Variants in ARMH4 observed in about 807,000 individuals in gnomAD.
The protein encoded by ARMH4 is armadillo-like helical domain-containing protein 4.
Under a neutral mutation model 61.9 loss-of-function variants are expected in ARMH4, and 49 were observed. The observed-to-expected ratio is 0.79, with a 90% CI of 0.63 to 1.00. The LOEUF (loss-of-function observed/expected upper bound fraction) is 1.00. Ranked by LOEUF, ARMH4 falls within the 50% of genes least tolerant of loss-of-function variation. The probability of loss-of-function intolerance (pLI) is 0.00; values close to 1 mark genes in which losing one functional copy is unlikely to be tolerated. For missense variants in ARMH4, 934 were observed against 930.0 expected (o/e 1.00, Z -0.06); for synonymous variants, 368 against 341.5 (o/e 1.08, Z -0.85).
intron 1 of ARMH4, among the ~76,000 whole-genome samples, chr14:58,143,808 C>G (rs990001692): frequency 4.5e-5 from 6 of 134,644 alleles, no homozygotes; most frequent in Admixed American, 1.6e-4. Flanking sequence ...GAGTCTTGCT[C>G]TGTCACCCAG....
At chr14:58,136,613 A>G (rs1168405795) in intron 2 of ARMH4, among the ~76,000 whole-genome samples, 1 of 152,176 alleles carries the variant, frequency 6.6e-6, no homozygotes, top group Non-Finnish European at 1.5e-5. Context: ...CTTATAAAAC[A>G]TATTACTGAT....
At chr14:58,147,222 T>G (rs1363408619) in intron 1 of ARMH4, among the ~76,000 whole-genome samples, 4 of 152,204 alleles carry the variant, frequency 2.6e-5, no homozygotes, top group African/African-American at 7.2e-5. Context: ...TTGTAACTTC[T>G]GATCACCTCA....
chr14:58,026,534 G>T (rs1412046333), intron 5 of ARMH4, among the ~76,000 whole-genome samples: 2 of 152,032 alleles, frequency 1.3e-5, no homozygotes, highest in Non-Finnish European at 2.9e-5. Flanking sequence ...AAATAGTTTG[G>T]CCTTCATACT....
intron 4 of ARMH4, among the ~76,000 whole-genome samples, chr14:58,118,299 C>T (rs1334381538): frequency 1.3e-5 from 2 of 152,108 alleles, no homozygotes; most frequent in African/African-American, 2.4e-5. Flanking sequence ...ATACCTTTAA[C>T]TGGGATGGAA....
At chr14:58,072,853 G>A (rs1244808617) in intron 5 of ARMH4, among the ~76,000 whole-genome samples, 3 of 152,146 alleles carry the variant, frequency 2.0e-5, no homozygotes, top group Admixed American at 2.0e-4. Flanking sequence ...AGACCACAGG[G>A]TGTTTGGATG....
chr14:58,066,197 G>C (rs1884694685), intron 5 of ARMH4, among the ~76,000 whole-genome samples: 1 of 152,230 alleles, frequency 6.6e-6, no homozygotes, highest in Non-Finnish European at 1.5e-5. Flanking sequence ...CCAACAGCAT[G>C]TGTGTTTAGT....
chr14:58,096,944 A>C lies in ARMH4; in HGVS notation c.1869T>G (p.Asp623Glu), dbSNP rs564454782. 3 of 1,612,112 alleles carry C rather than the reference A, an allele frequency of 1.9e-6. No homozygotes were observed. Among genetic ancestry groups the C allele is most frequent in the Non-Finnish European group, 2.5e-6 (3 of 1,179,278 alleles). Residue 623 changes from aspartate to glutamate, a missense_variant, in exon 5 of 8, where the codon GAT becomes GAG. By Grantham distance (45) the Asp-to-Glu change is conservative (BLOSUM62 2). Transcript: ENST00000267485. ...CCTCATCTTCCTCTTCTTCATCTTC[A>C]TCTTCTTCATCCTCTTCATCCTCAT... ...QEDEDEEDEE[D>E]EDEEEEDEEE...
At chr14:58,079,883 A>G (rs1327985101) in intron 5 of ARMH4, among the ~76,000 whole-genome samples, 1 of 152,134 alleles carries the variant, frequency 6.6e-6, no homozygotes, top group Non-Finnish European at 1.5e-5. Flanking sequence ...CAGCCACAGA[A>G]AAGTTCTAAA....
chr14:58,062,060 T>C (rs1884549190), intron 5 of ARMH4, among the ~76,000 whole-genome samples: 1 of 151,946 alleles, frequency 6.6e-6, no homozygotes, highest in Non-Finnish European at 1.5e-5. Context: ...CAAAGGTGGC[T>C]GGATGCAGTG....
At chr14:58,042,384 A>G (rs1368325548) in intron 5 of ARMH4, among the ~76,000 whole-genome samples, 1 of 152,246 alleles carries the variant, frequency 6.6e-6, no homozygotes, top group Admixed American at 6.5e-5. Context: ...AGAAATAAAG[A>G]TGTTCTTTAA....
intron 4 of ARMH4, among the ~76,000 whole-genome samples, chr14:58,125,064 C>T (rs1392563525): frequency 6.6e-6 from 1 of 151,796 alleles, no homozygotes; most frequent in Non-Finnish European, 1.5e-5. Context: ...GTACAGAAAC[C>T]TAAAGAGGTG....
chr14:58,121,536 C>T (rs947361231), intron 4 of ARMH4, among the ~76,000 whole-genome samples: 4 of 152,206 alleles, frequency 2.6e-5, no homozygotes, highest in African/African-American at 9.6e-5. Flanking sequence ...CAATACCTCA[C>T]AATATTGATT....
intron 4 of ARMH4, among the ~76,000 whole-genome samples, chr14:58,118,678 T>A (rs1419064804): frequency 1.3e-5 from 2 of 152,144 alleles, no homozygotes; most frequent in East Asian, 3.9e-4. Context: ...GGGCCCATAA[T>A]CCCTAGAAAC....
At chr14:58,070,051 A>T (rs1292899824) in intron 5 of ARMH4, among the ~76,000 whole-genome samples, 1 of 152,208 alleles carries the variant, frequency 6.6e-6, no homozygotes, top group African/African-American at 2.4e-5. Context: ...AAAGAAGGGT[A>T]AATTGAACAG....
chr14:58,019,939 A>G (rs17093271), intron 5 of ARMH4, among the ~76,000 whole-genome samples: 24,753 of 152,170 alleles, frequency 0.16, 2,654 homozygotes, highest in East Asian at 0.48. Flanking sequence ...ATTTCCAGTG[A>G]CAAAGTTTTA....
chr14:58,005,907 G>C (rs1566535859), intron 6 of ARMH4, among the ~76,000 whole-genome samples: 1 of 152,200 alleles, frequency 6.6e-6, no homozygotes, highest in Non-Finnish European at 1.5e-5. Context: ...GAGGTTGGGA[G>C]GGAATTCTGA....
chr14:58,104,031 A>G (rs1187521393), intron 4 of ARMH4, among the ~76,000 whole-genome samples: 1 of 152,166 alleles, frequency 6.6e-6, no homozygotes, highest in African/African-American at 2.4e-5. Context: ...GGTTGCAGGT[A>G]AGCAAGCCTA....
chr14:58,069,986 G>T lies in ARMH4; in HGVS notation c.2089+26738C>A, dbSNP rs532463046. On this transcript the variant is annotated intron_variant, in intron 5 of 7. Coordinates refer to ENST00000267485, the MANE Select transcript of ARMH4 (RefSeq NM_001001872.4). Reference sequence around the variant, plus strand: ...AGCAAGAAAGAACATCAGTAAAGAGGCTCCTGCAATAGTTTGGGCAAGACA... The same window carrying T: ...AGCAAGAAAGAACATCAGTAAAGAGTCTCCTGCAATAGTTTGGGCAAGACA... 2.6e-5 allele frequency among the ~76,000 whole-genome samples: 4 copies of T among 152,298 alleles called. No homozygotes were observed. In the East Asian group the frequency reaches 7.7e-4, roughly 29 times the overall value.
intron 5 of ARMH4, among the ~76,000 whole-genome samples, chr14:58,086,910 G>A (rs527968369): frequency 6.0e-4 from 92 of 152,204 alleles, no homozygotes; most frequent in Middle Eastern, 3.4e-3. Flanking sequence ...AAAAACAATG[G>A]TAGAAAAAGT....
Sources: gnomAD v4.1 joint callset for allele counts (sites outside exome capture counted in the v4.1 genomes callset) on GRCh38, gnomAD v4.1.1 for gene constraint, MANE v1.5 for transcripts, NCBI Gene and HGNC (gene_info 2026-07-23, HGNC 2026-07-21) for gene names.